The following DENND1A variants were observed in gnomAD, a reference collection of about 807,000 sequenced individuals.
DENND1A encodes the protein DENN domain-containing protein 1A.
A neutral mutation model predicts 113.7 loss-of-function variants in DENND1A; 51 were observed. The ratio of observed to expected loss-of-function variants is 0.45; its 90% CI spans 0.36 to 0.57. The LOEUF (loss-of-function observed/expected upper bound fraction) is 0.57, where lower values mean the gene tolerates loss of function less well. Among genes scored for constraint, DENND1A ranks in the 20% least tolerant of loss-of-function variants. The probability of loss-of-function intolerance (pLI) is 0.00; values close to 1 mark genes in which losing one functional copy is unlikely to be tolerated. For missense variants in DENND1A, 1,258 were observed against 1,395.9 expected, an observed-to-expected ratio of 0.90 and a Z score of 1.57; for synonymous variants, 565 against 570.8, an observed-to-expected ratio of 0.99 and a Z score of 0.14.
intron 1 of DENND1A, among the ~76,000 whole-genome samples, chr9:123,896,198 G>C (rs1477930507): frequency 1.3e-5 from 2 of 152,096 alleles, no homozygotes; most frequent in East Asian, 1.9e-4. Context: ...TGTAGTCTTG[G>C]CTACTCGGGA....
At chr9:123,418,212 C>A (rs1478518605) in intron 19 of DENND1A, among the ~76,000 whole-genome samples, 1 of 152,218 alleles carries the variant, frequency 6.6e-6, no homozygotes, top group Admixed American at 6.5e-5. Context: ...ATTGCCAACC[C>A]ACCGGCCCTG....
At chr9:123,412,298 C>G (rs1278933119) in intron 19 of DENND1A, among the ~76,000 whole-genome samples, 2 of 152,254 alleles carry the variant, frequency 1.3e-5, no homozygotes, top group Non-Finnish European at 2.9e-5. Context: ...GCACTGGGCT[C>G]TCATGCCTTG....
intron 8 of DENND1A, among the ~76,000 whole-genome samples, chr9:123,665,469 T>C (rs931780602): frequency 2.0e-5 from 3 of 152,198 alleles, no homozygotes; most frequent in African/African-American, 7.2e-5. Flanking sequence ...CACAGTCTGA[T>C]CATACAGATA....
chr9:123,807,479 C>G (rs1455596499), intron 2 of DENND1A, among the ~76,000 whole-genome samples: 1 of 152,198 alleles, frequency 6.6e-6, no homozygotes, highest in African/African-American at 2.4e-5. Flanking sequence ...TCGTCTTCGA[C>G]TGTTAATTCT....
At chr9:123,495,033 C>G (rs1207393237) in intron 13 of DENND1A, among the ~76,000 whole-genome samples, 1 of 152,182 alleles carries the variant, frequency 6.6e-6, no homozygotes, top group East Asian at 1.9e-4. Flanking sequence ...CTCAGGTGAT[C>G]TGCCCATCTT....
At chr9:123,719,217 AT>A (rs1386516076) in intron 5 of DENND1A, among the ~76,000 whole-genome samples, 2 of 152,230 alleles carry the variant, frequency 1.3e-5, no homozygotes, top group Admixed American at 6.5e-5. Flanking sequence ...GGTTAACGTT[AT>A]CCCAAGTTTT....
chr9:123,880,684 C>G (rs186016017), intron 1 of DENND1A, among the ~76,000 whole-genome samples: 1 of 152,150 alleles, frequency 6.6e-6, no homozygotes, highest in African/African-American at 2.4e-5. Flanking sequence ...AGGATTACTA[C>G]AACCATACAA....
At chr9:123,514,064 A>AT (rs2053667690) in intron 13 of DENND1A, among the ~76,000 whole-genome samples, 2 of 102,928 alleles carry the variant, frequency 1.9e-5, no homozygotes, top group Non-Finnish European at 3.7e-5. Context: ...TTCTATTTTG[A>AT]GGTGTGTGTG....
intron 2 of DENND1A, among the ~76,000 whole-genome samples, chr9:123,870,683 C>G (rs1329042405): frequency 6.6e-6 from 1 of 152,082 alleles, no homozygotes; most frequent in African/African-American, 2.4e-5. Context: ...GATCCGCCCA[C>G]CTCAGCCTCC....
intron 13 of DENND1A, among the ~76,000 whole-genome samples, chr9:123,519,255 T>TGTA (rs2054190349): frequency 6.6e-6 from 1 of 152,166 alleles, no homozygotes; most frequent in South Asian, 2.1e-4. Flanking sequence ...TTCCCTACAG[T>TGTA]GTAAGCTCCT....
At chr9:123,674,841 CTTT>C (rs11327678) in intron 6 of DENND1A, among the ~76,000 whole-genome samples, 24 of 132,344 alleles carry the variant, frequency 1.8e-4, no homozygotes, top group East Asian at 1.1e-3. Context: ...GTTTTTTTCT[CTTT>C]TTTTTTTTTT....
At chr9:123,644,104 G>T (rs2062172020) in intron 9 of DENND1A, among the ~76,000 whole-genome samples, 1 of 151,968 alleles carries the variant, frequency 6.6e-6, no homozygotes, top group African/African-American at 2.4e-5. Context: ...ACTTTCGGGG[G>T]TGCTAACATT....
chr9:123,909,212 T>C (rs1368644351), intron 1 of DENND1A, among the ~76,000 whole-genome samples: 1 of 142,578 alleles, frequency 7.0e-6, no homozygotes. Flanking sequence ...GTGGGGGGAG[T>C]GGGAAGGGAT....
chr9:123,782,837 C>G (rs1194519393), intron 3 of DENND1A, among the ~76,000 whole-genome samples: 2 of 152,214 alleles, frequency 1.3e-5, no homozygotes, highest in Middle Eastern at 3.4e-3. Context: ...TTTACAAACA[C>G]CTTTTCATTT....
At chr9:123,519,106 C>T (rs1347503599) in intron 13 of DENND1A, among the ~76,000 whole-genome samples, 1 of 152,224 alleles carries the variant, frequency 6.6e-6, no homozygotes, top group Non-Finnish European at 1.5e-5. Flanking sequence ...CCACCCAACA[C>T]GGATGGCTGA....
chr9:123,889,699 G>A (rs1299638720), intron 1 of DENND1A, among the ~76,000 whole-genome samples: 5 of 152,208 alleles, frequency 3.3e-5, no homozygotes, highest in Non-Finnish European at 5.9e-5. Flanking sequence ...GAGGCCGGGC[G>A]TGGTGGCTCA....
At chr9:123,732,769 G>A (rs1010949419) in intron 5 of DENND1A, among the ~76,000 whole-genome samples, 20 of 152,160 alleles carry the variant, frequency 1.3e-4, no homozygotes, top group Admixed American at 1.3e-3. Flanking sequence ...ATTGAATTTA[G>A]TTAGGAATAG....
chr9:123,720,762 C>T (rs1051114713), intron 5 of DENND1A, among the ~76,000 whole-genome samples: 1 of 152,240 alleles, frequency 6.6e-6, no homozygotes, highest in Non-Finnish European at 1.5e-5. Flanking sequence ...TGACTTCCTG[C>T]TGCCATCCAG....
chr9:123,454,825 TGTCCTTGGGA>T, intron 15 of DENND1A, 46 bp from the exon 16 acceptor site: 2 of 1,533,576 alleles, frequency 1.3e-6, no homozygotes, highest in Non-Finnish European at 1.8e-6. Flanking sequence ...AGAGGTGATT[TGTCCTTGGGA>T]GTCCTTAAAA....
Sources: gnomAD v4.1 joint callset for allele counts (sites outside exome capture counted in the v4.1 genomes callset) on GRCh38, gnomAD v4.1.1 for gene constraint, MANE v1.5 for transcripts, NCBI Gene and HGNC (gene_info 2026-07-23, HGNC 2026-07-21) for gene names.